PCNX1: variants seen among roughly 807,000 people sequenced by gnomAD.
The protein encoded by PCNX1 is pecanex-like protein 1.
In PCNX1, 78 loss-of-function variants were observed where a neutral mutation model predicts 242.2. That is an observed-to-expected ratio of 0.32 (90% confidence interval 0.27 to 0.39). The LOEUF (loss-of-function observed/expected upper bound fraction) is 0.39, where lower values mean the gene tolerates loss of function less well. PCNX1 is among the 10% of genes least tolerant of loss of function. The probability of loss-of-function intolerance (pLI) is 1.00; values close to 1 mark genes in which losing one functional copy is unlikely to be tolerated. For synonymous variants in PCNX1, 1,024 were observed against 1,032.9 expected, an observed-to-expected ratio of 0.99 and a Z score of 0.17; for missense variants, 2,581 against 2,856.5, an observed-to-expected ratio of 0.90 and a Z score of 2.20.
At chr14:70,933,188 A>C (rs1035905874) in intron 1 of PCNX1, among the ~76,000 whole-genome samples, 1 of 152,242 alleles carries the variant, frequency 6.6e-6, no homozygotes, top group Non-Finnish European at 1.5e-5. Flanking sequence ...ATGAAAGAGC[A>C]ATTACTGGCC....
chr14:70,932,432 A>G (rs1369112224), intron 1 of PCNX1, among the ~76,000 whole-genome samples: 1 of 151,970 alleles, frequency 6.6e-6, no homozygotes, highest in Non-Finnish European at 1.5e-5. Context: ...CTTACAATTA[A>G]TCTACCTTTT....
chr14:71,028,094 C>A (rs555065960), intron 15 of PCNX1, among the ~76,000 whole-genome samples: 1 of 151,916 alleles, frequency 6.6e-6, no homozygotes, highest in Non-Finnish European at 1.5e-5. Context: ...TCCCCTATTC[C>A]TTATTACTAA....
chr14:70,959,433 T>C (rs1410035560), intron 2 of PCNX1, among the ~76,000 whole-genome samples: 1 of 137,016 alleles, frequency 7.3e-6, no homozygotes, highest in Non-Finnish European at 1.5e-5. Context: ...CCTGTGTCCA[T>C]GTGTTCTCAT....
chr14:71,051,182 A>C (rs1237534052), intron 23 of PCNX1, among the ~76,000 whole-genome samples: 2 of 149,706 alleles, frequency 1.3e-5, no homozygotes, highest in Non-Finnish European at 3.0e-5. Flanking sequence ...AAAAAAAAAA[A>C]AAAAAAAAAA....
rs2062777218 is a variant in PCNX1, at chr14:71,112,712, G to GTCTT, written c.*2779_*2782dup. The GTCTT allele has an allele frequency of 1.3e-5, 2 of 151,958 alleles. No individual in the cohort carries two copies. Among genetic ancestry groups the GTCTT allele is most frequent in the African/African-American group, 2.4e-5 (1 of 41,394 alleles). 9.4% of individuals were successfully genotyped at this position (151,958 alleles called of 1,614,324 possible). The stretch of plus-strand genomic sequence containing the variant: ...GTACAAGACTTCAGCATACATTAAT[G>GTCTT]TCTTTAGTTTATAAATTTGCCAATG... On this transcript the variant is annotated 3_prime_UTR_variant, in exon 36 of 36. Coordinates refer to ENST00000304743, the MANE Select transcript of PCNX1 (RefSeq NM_014982.3).
chr14:71,082,758 G>C (rs1444219758), intron 28 of PCNX1, among the ~76,000 whole-genome samples: 1 of 152,012 alleles, frequency 6.6e-6, no homozygotes, highest in Non-Finnish European at 1.5e-5. Flanking sequence ...ACATGAGATG[G>C]ATCTCCTGAA....
chr14:70,952,084 T>C (rs867105382), intron 2 of PCNX1, among the ~76,000 whole-genome samples: 1 of 152,190 alleles, frequency 6.6e-6, no homozygotes, highest in Non-Finnish European at 1.5e-5. Context: ...CTTGTCAGAA[T>C]GATGAGGAAA....
At chr14:70,939,148 C>A (rs1287082876) in intron 1 of PCNX1, among the ~76,000 whole-genome samples, 1 of 152,044 alleles carries the variant, frequency 6.6e-6, no homozygotes, top group African/African-American at 2.4e-5. Context: ...CTGCTCTGAT[C>A]TTAGTTATTT....
At chr14:71,105,625 C>G (rs1415192009) in intron 33 of PCNX1, among the ~76,000 whole-genome samples, 185 bp downstream of exon 33, 3 of 151,354 alleles carry the variant, frequency 2.0e-5, no homozygotes, top group African/African-American at 7.3e-5. Flanking sequence ...TCACTGCAAG[C>G]TCCGCCTCCC....
Position 70,995,882 on chromosome 14 carries a change from C to T in PCNX1, c.2586C>T (p.Asp862=). 6.2e-7 allele frequency: 1 copy of T among 1,613,986 alleles called. No individual in the cohort carries two copies. The highest frequency in any genetic ancestry group is 8.5e-7 in the Non-Finnish European group (1 of 1,179,878). Residue 862 remains aspartate (D), a synonymous_variant, in exon 8 of 36, where the codon GAC becomes GAT. Coordinates refer to ENST00000304743, the MANE Select transcript of PCNX1 (RefSeq NM_014982.3). ...GTGTCCACTTAGAAGCATCACATGA[C>T]AATGCATCTGCTGTAGGCGGTAGCA... ...NGSVHLEASH[D]NASAVGGSSL...
chr14:70,951,863 A>C (rs1189074049), intron 2 of PCNX1, among the ~76,000 whole-genome samples: 1 of 152,138 alleles, frequency 6.6e-6, no homozygotes. Flanking sequence ...TTTATTTATC[A>C]TCTCTTTATT....
chr14:70,949,222 GAT>G (rs1218471471), intron 2 of PCNX1, among the ~76,000 whole-genome samples: 2 of 124,946 alleles, frequency 1.6e-5, no homozygotes, highest in Non-Finnish European at 1.7e-5. Flanking sequence ...TGTATATATA[GAT>G]ATATGTATGT....
At chr14:70,911,270 TTTTA>T (rs1431981847) in intron 1 of PCNX1, among the ~76,000 whole-genome samples, 1 of 152,194 alleles carries the variant, frequency 6.6e-6, no homozygotes, top group Non-Finnish European at 1.5e-5. Context: ...ACAGGCTGCC[TTTTA>T]TTTATTCCCC....
rs2061545349 is a variant in PCNX1 at position 71,069,788 on chromosome 14, G to A, written c.4853-3757G>A. Among the ~76,000 whole-genome samples, 9 of 152,338 alleles carry A rather than the reference G, an allele frequency of 5.9e-5. No homozygotes were observed. The South Asian group carries it at 1.9e-3, about 32-fold the overall frequency. ...TGCTGATGGAGGGTCTTGCCCCGAT[G>A]TTGATGGCTGCTAACTGGTCAGGTT... is the stretch of plus-strand genomic sequence containing the variant. On this transcript the variant is annotated intron_variant, in intron 26 of 35. Transcript: ENST00000304743.
intron 26 of PCNX1, among the ~76,000 whole-genome samples, chr14:71,067,555 G>C (rs1205601320): frequency 6.6e-6 from 1 of 152,056 alleles, no homozygotes; most frequent in Non-Finnish European, 1.5e-5. Context: ...CAAAAAACCA[G>C]CTCCTAGCTT....
intron 26 of PCNX1, among the ~76,000 whole-genome samples, chr14:71,066,777 G>A (rs938999098): frequency 6.6e-6 from 1 of 152,060 alleles, no homozygotes; most frequent in Non-Finnish European, 1.5e-5. Context: ...TTTTGAGATA[G>A]GTTCCATCAA....
intron 6 of PCNX1, among the ~76,000 whole-genome samples, chr14:70,979,923 A>G (rs1463643189): frequency 6.6e-6 from 1 of 151,730 alleles, no homozygotes; most frequent in African/African-American, 2.4e-5. Flanking sequence ...CAGTAGAGTA[A>G]TTAAATTCCC....
intron 5 of PCNX1, among the ~76,000 whole-genome samples, chr14:70,971,533 A>G (rs2058542740): frequency 6.6e-6 from 1 of 152,230 alleles, no homozygotes; most frequent in African/African-American, 2.4e-5. Context: ...GCACTGTTTT[A>G]AGTACTGGAA....
intron 1 of PCNX1, among the ~76,000 whole-genome samples, chr14:70,910,311 C>T (rs1200618626): frequency 6.8e-6 from 1 of 147,746 alleles, no homozygotes; most frequent in Non-Finnish European, 1.5e-5. Context: ...TGGATTATTG[C>T]AGTACTTTAA....
Sources: gnomAD v4.1 joint callset for allele counts (sites outside exome capture counted in the v4.1 genomes callset) on GRCh38, gnomAD v4.1.1 for gene constraint, MANE v1.5 for transcripts, NCBI Gene and HGNC (gene_info 2026-07-23, HGNC 2026-07-21) for gene names.